The following B3GALT1 variants were observed in gnomAD, a reference collection of about 807,000 sequenced individuals.
B3GALT1 encodes the protein UDP-Gal:betaGlcNAc beta 1,3-galactosyltransferase, polypeptide 1.
B3GALT1 carries 10 observed loss-of-function variants against 23.2 expected under a neutral mutation model. The ratio of observed to expected loss-of-function variants is 0.43; its 90% CI spans 0.27 to 0.73. The LOEUF (loss-of-function observed/expected upper bound fraction) is 0.73, where lower values mean the gene tolerates loss of function less well. B3GALT1 is among the 30% of genes least tolerant of loss of function. B3GALT1 has a pLI of 0.21. For missense variants in B3GALT1, 299 were observed against 405.4 expected (o/e 0.74, Z 2.25); for synonymous variants, 156 against 141.5 (o/e 1.10, Z -0.73).
intron 3 of B3GALT1, among the ~76,000 whole-genome samples, chr2:167,734,296 CA>C (rs899738108): frequency 6.6e-6 from 1 of 151,534 alleles, no homozygotes; most frequent in African/African-American, 2.4e-5. Flanking sequence ...CCAGGATGTA[CA>C]GGGGAAAAAA....
intron 2 of B3GALT1, among the ~76,000 whole-genome samples, chr2:167,603,250 A>G (rs1372003657): frequency 6.6e-6 from 1 of 152,130 alleles, no homozygotes; most frequent in Admixed American, 6.5e-5. Context: ...AACTTTATAT[A>G]TCTCAAAATT....
intron 3 of B3GALT1, among the ~76,000 whole-genome samples, chr2:167,655,038 T>C (rs1041016340): frequency 5.3e-5 from 8 of 152,296 alleles, no homozygotes; most frequent in African/African-American, 1.7e-4. Context: ...TTCCATCATA[T>C]AAATCTGGAA....
intron 3 of B3GALT1, among the ~76,000 whole-genome samples, chr2:167,787,673 T>C (rs1377356554): frequency 6.6e-6 from 1 of 152,178 alleles, no homozygotes; most frequent in African/African-American, 2.4e-5. Flanking sequence ...ATGACCCCTA[T>C]CCCAGCACCA....
chr2:167,835,208 G>A (rs563434397), intron 4 of B3GALT1, among the ~76,000 whole-genome samples: 2,979 of 152,194 alleles, frequency 0.02, 38 homozygotes, highest in Non-Finnish European at 0.031. Flanking sequence ...CACACCATGC[G>A]CGAGCCGAAG....
chr2:167,658,331 A>G (rs923854186), intron 3 of B3GALT1, among the ~76,000 whole-genome samples: 34 of 152,142 alleles, frequency 2.2e-4, no homozygotes, highest in African/African-American at 8.0e-4. Flanking sequence ...TAGAAAAAAA[A>G]TCCTCCAAAA....
chr2:167,297,988 C>G (rs1696383497), intron 1 of B3GALT1, among the ~76,000 whole-genome samples: 1 of 152,118 alleles, frequency 6.6e-6, no homozygotes, highest in African/African-American at 2.4e-5. Context: ...TCTCCAGATT[C>G]AAGAATGCAT....
chr2:167,468,031 A>G (rs1439607806), intron 1 of B3GALT1, among the ~76,000 whole-genome samples: 2 of 152,098 alleles, frequency 1.3e-5, no homozygotes, highest in Admixed American at 1.3e-4. Flanking sequence ...GGGGGTGGAA[A>G]AGGATGGGTA....
At chr2:167,338,348 A>G (rs1417110825) in intron 1 of B3GALT1, among the ~76,000 whole-genome samples, 2 of 152,182 alleles carry the variant, frequency 1.3e-5, no homozygotes, top group East Asian at 1.9e-4. Flanking sequence ...TAATCACGGT[A>G]GAATGTAGCC....
At position 167,445,434 on chromosome 2, in the gene B3GALT1, C is replaced by T. The variant is rs566113944; in HGVS notation, c.-510-44743C>T. 3.3e-5 allele frequency among the ~76,000 whole-genome samples: 5 copies of T among 152,266 alleles called. No homozygotes were observed. In the East Asian group the frequency reaches 9.6e-4, roughly 29 times the overall value. On this transcript the variant is annotated intron_variant, in intron 1 of 4. Coordinates refer to ENST00000392690, the MANE Select transcript of B3GALT1 (RefSeq NM_020981.4). ...CTGGATATCGTTGTTAACTTTCTGT[C>T]TCATTGATCTGTCTAATGTTGACAG...
chr2:167,386,930 C>T (rs966977356), intron 1 of B3GALT1, among the ~76,000 whole-genome samples: 8 of 152,192 alleles, frequency 5.3e-5, no homozygotes, highest in African/African-American at 1.7e-4. Flanking sequence ...TTAACTGTCT[C>T]TCACCTCCTC....
rs143538381 is a variant in B3GALT1 at position 167,629,141 on chromosome 2, CA to C, written c.-409-17767del. On this transcript the variant is annotated intron_variant, in intron 2 of 4. Transcript: ENST00000392690. ...TCCTTAGACAGGCAAAATGGCTTTTCAGATATTGTTTTCCAGTAACAATATT... is the reference window on the plus strand; with the variant it reads ...TCCTTAGACAGGCAAAATGGCTTTTCGATATTGTTTTCCAGTAACAATATT... 3.2e-3 allele frequency among the ~76,000 whole-genome samples: 489 copies of C among 151,688 alleles called. 4 individuals are homozygous for C. Among genetic ancestry groups the C allele is most frequent in the African/African-American group, 0.011 (475 of 41,476 alleles).
intron 2 of B3GALT1, among the ~76,000 whole-genome samples, chr2:167,559,567 G>A (rs987834592): frequency 1.3e-4 from 20 of 152,154 alleles, no homozygotes; most frequent in African/African-American, 4.8e-4. Context: ...AAAAAATTTA[G>A]ACGAATGTAT....
intron 1 of B3GALT1, among the ~76,000 whole-genome samples, chr2:167,421,296 C>T (rs1468545932): frequency 6.6e-6 from 1 of 152,140 alleles, no homozygotes; most frequent in Admixed American, 6.6e-5. Flanking sequence ...GCTGCCACAT[C>T]AAACAAGGAA....
intron 2 of B3GALT1, among the ~76,000 whole-genome samples, chr2:167,532,125 G>C (rs769189526): frequency 1.3e-5 from 2 of 151,912 alleles, no homozygotes; most frequent in Non-Finnish European, 2.9e-5. Flanking sequence ...ATTTTCTCCT[G>C]TTTGTTAGCC....
At chr2:167,423,870 G>T (rs1303359311) in intron 1 of B3GALT1, among the ~76,000 whole-genome samples, 2 of 152,014 alleles carry the variant, frequency 1.3e-5, no homozygotes, top group African/African-American at 4.8e-5. Flanking sequence ...ATCTCTCTAT[G>T]CCTAGTGCCA....
intron 1 of B3GALT1, among the ~76,000 whole-genome samples, chr2:167,461,360 G>A (rs1449540087): frequency 2.0e-5 from 3 of 152,104 alleles, no homozygotes; most frequent in Admixed American, 2.0e-4. Context: ...TTCCATAGAC[G>A]CCAGATTTCT....
chr2:167,715,631 A>G, intron 3 of B3GALT1: 2 of 1,613,822 alleles, frequency 1.2e-6, no homozygotes, highest in East Asian at 4.5e-5. Context: ...TAGACAGAGG[A>G]TTTCATCCTC....
chr2:167,793,626 A>G (rs796104327), intron 3 of B3GALT1, among the ~76,000 whole-genome samples: 17 of 152,286 alleles, frequency 1.1e-4, no homozygotes, highest in African/African-American at 4.1e-4. Context: ...GTGTTAAGTA[A>G]AATTTCCTCA....
chr2:167,726,753 A>G (rs569589239), intron 3 of B3GALT1, among the ~76,000 whole-genome samples: 1 of 152,366 alleles, frequency 6.6e-6, no homozygotes, highest in African/African-American at 2.4e-5. Flanking sequence ...GCAGTTTCAC[A>G]CTTCAGTCTA....
Sources: allele counts gnomAD v4.1 joint callset (sites outside exome capture counted in the v4.1 genomes callset), GRCh38; gene constraint gnomAD v4.1.1; transcripts MANE v1.5; gene names NCBI Gene and HGNC (gene_info 2026-07-23, HGNC 2026-07-21).